The following DYM variants were observed in gnomAD, a reference collection of about 807,000 sequenced individuals.
DYM encodes the protein dymeclin, also known as dyggve-Melchior-Clausen syndrome protein.
DYM carries 78 observed loss-of-function variants against 93.1 expected under a neutral mutation model. The observed-to-expected ratio is 0.84, with a 90% confidence interval of 0.70 to 1.01. The LOEUF is 1.01. Among genes scored for constraint, DYM ranks in the 50% least tolerant of loss-of-function variants. The pLI, the probability that DYM is intolerant of heterozygous loss-of-function variation, is 0.00. For synonymous variants in DYM, 321 were observed against 319.7 expected (o/e 1.00, Z -0.04); for missense variants, 789 against 845.0 (o/e 0.93, Z 0.82).
chr18:49,284,287 T>A (rs1024654981), intron 9 of DYM, among the ~76,000 whole-genome samples: 2 of 152,202 alleles, frequency 1.3e-5, no homozygotes, highest in African/African-American at 4.8e-5. Context: ...ATCAAACATG[T>A]CATTATTCTG....
intron 13 of DYM, among the ~76,000 whole-genome samples, chr18:49,220,093 T>A (rs1317604200): frequency 6.6e-5 from 10 of 151,880 alleles, no homozygotes; most frequent in South Asian, 2.1e-4. Flanking sequence ...AATCACAAGC[T>A]TTCTTATACA....
intron 17 of DYM, among the ~76,000 whole-genome samples, chr18:49,063,128 A>C (rs1233799017): frequency 6.6e-6 from 1 of 152,182 alleles, no homozygotes; most frequent in East Asian, 1.9e-4. Flanking sequence ...AATAAGAGAA[A>C]AAGCACATAT....
chr18:49,295,763 A>G (rs558957279), intron 8 of DYM, among the ~76,000 whole-genome samples: 36 of 152,264 alleles, frequency 2.4e-4, no homozygotes, highest in Non-Finnish European at 5.0e-4. Flanking sequence ...CTTTTTAAAA[A>G]AATTCTTGGC....
At chr18:49,161,577 C>T (rs2087136676) in intron 15 of DYM, among the ~76,000 whole-genome samples, 1 of 152,146 alleles carries the variant, frequency 6.6e-6, no homozygotes, top group Non-Finnish European at 1.5e-5. Flanking sequence ...TAAACAGTTA[C>T]TAGATATATT....
chr18:49,057,410 GCA>G (rs1483360849), intron 17 of DYM, among the ~76,000 whole-genome samples: 3 of 152,258 alleles, frequency 2.0e-5, no homozygotes, highest in East Asian at 3.8e-4. Flanking sequence ...AGACGAGCAT[GCA>G]CAGTGTTTCC....
chr18:49,124,757 A>G (rs919410777), intron 15 of DYM, among the ~76,000 whole-genome samples: 4 of 152,190 alleles, frequency 2.6e-5, no homozygotes, highest in African/African-American at 9.7e-5. Flanking sequence ...CATTACTCAA[A>G]TTGGCTAACA....
At chr18:49,262,558 T>C (rs2094506368) in intron 11 of DYM, among the ~76,000 whole-genome samples, 1 of 152,230 alleles carries the variant, frequency 6.6e-6, no homozygotes, top group Non-Finnish European at 1.5e-5. Context: ...GTAACCCTCC[T>C]ATATTGATAC....
At chr18:49,155,820 T>G (rs533300995) in intron 15 of DYM, among the ~76,000 whole-genome samples, 1 of 152,250 alleles carries the variant, frequency 6.6e-6, no homozygotes, top group Non-Finnish European at 1.5e-5. Flanking sequence ...TGTCTTCTGA[T>G]GGACACTTCA....
At chr18:49,341,919 G>A (rs1345017863) in intron 6 of DYM, among the ~76,000 whole-genome samples, 1 of 152,158 alleles carries the variant, frequency 6.6e-6, no homozygotes, top group Admixed American at 6.5e-5. Context: ...TATCAGCACT[G>A]TATTAGTTTT....
chr18:49,435,024 G>A (rs1231300152), intron 1 of DYM, among the ~76,000 whole-genome samples: 6 of 151,394 alleles, frequency 4.0e-5, no homozygotes, highest in Admixed American at 6.6e-5. Flanking sequence ...GCTGGCCAAC[G>A]TGGTAAAACC....
At chr18:49,252,136 T>G (rs1328534168) in intron 13 of DYM, among the ~76,000 whole-genome samples, 1 of 138,006 alleles carries the variant, frequency 7.2e-6, no homozygotes, top group South Asian at 2.3e-4. Context: ...GAGAGTTGCT[T>G]GAACCTGGGA....
intron 14 of DYM, among the ~76,000 whole-genome samples, chr18:49,167,875 A>T (rs2088114507): frequency 6.6e-6 from 1 of 152,212 alleles, no homozygotes; most frequent in African/African-American, 2.4e-5. Context: ...TAAAAAATGA[A>T]AACAGCCAAA....
chr18:49,267,148 G>T (rs1339821349), intron 11 of DYM, among the ~76,000 whole-genome samples: 1 of 151,674 alleles, frequency 6.6e-6, no homozygotes, highest in East Asian at 1.9e-4. Context: ...TCAGCATGAA[G>T]AATGAAGGGT....
intron 11 of DYM, among the ~76,000 whole-genome samples, chr18:49,271,312 T>TA (rs1469757957): frequency 6.6e-6 from 1 of 151,938 alleles, no homozygotes; most frequent in Non-Finnish European, 1.5e-5. Flanking sequence ...ACAGCTGAAC[T>TA]AAAAATAACA....
intron 14 of DYM, among the ~76,000 whole-genome samples, chr18:49,198,194 C>G (rs867649528): frequency 2.6e-5 from 4 of 152,282 alleles, no homozygotes; most frequent in Non-Finnish European, 4.4e-5. Flanking sequence ...AAAACTGAAA[C>G]TGGATCCCTT....
At chr18:49,311,130 G>C (rs563233821) in intron 8 of DYM, among the ~76,000 whole-genome samples, 1 of 152,326 alleles carries the variant, frequency 6.6e-6, no homozygotes, top group African/African-American at 2.4e-5. Context: ...GACAGCACAG[G>C]TCTAAGCAGA....
chr18:49,309,926 C>A (rs1306466868), intron 8 of DYM, among the ~76,000 whole-genome samples: 1 of 152,164 alleles, frequency 6.6e-6, no homozygotes, highest in African/African-American at 2.4e-5. Flanking sequence ...GGCATGGACC[C>A]AGAATTCTTA....
intron 15 of DYM, among the ~76,000 whole-genome samples, chr18:49,123,024 C>T (rs1389200052): frequency 6.6e-6 from 1 of 152,162 alleles, no homozygotes; most frequent in Non-Finnish European, 1.5e-5. Flanking sequence ...TTCTCTCTCA[C>T]AGTCATGTTC....
intron 1 of DYM, among the ~76,000 whole-genome samples, chr18:49,452,810 A>G (rs1317946528): frequency 7.4e-6 from 1 of 135,098 alleles, no homozygotes; most frequent in Non-Finnish European, 1.6e-5. Context: ...AGGTGAAGCC[A>G]GCTGGGCTCC....
Sources: allele counts gnomAD v4.1 joint callset (sites outside exome capture counted in the v4.1 genomes callset), GRCh38; gene constraint gnomAD v4.1.1; transcripts MANE v1.5; gene names NCBI Gene and HGNC (gene_info 2026-07-23, HGNC 2026-07-21).